The following VGLL4 variants were observed in gnomAD, a reference collection of about 807,000 sequenced individuals.
VGLL4 encodes the protein vestigial like family member 4.
VGLL4 carries 7 observed loss-of-function variants against 21.0 expected under a neutral mutation model. The observed-to-expected ratio is 0.33, with a 90% CI of 0.19 to 0.63. The LOEUF (loss-of-function observed/expected upper bound fraction) is 0.63. Ranked by LOEUF, VGLL4 falls within the 20% of genes least tolerant of loss-of-function variation. The pLI, the probability that VGLL4 is intolerant of heterozygous loss-of-function variation, is 0.78. For missense variants in VGLL4, 394 were observed against 425.7 expected (o/e 0.93, Z 0.66); for synonymous variants, 222 against 173.2 (o/e 1.28, Z -2.21).
chr3:11,593,856 C>A (rs1241544230), intron 2 of VGLL4, among the ~76,000 whole-genome samples: 1 of 152,200 alleles, frequency 6.6e-6, no homozygotes, highest in Non-Finnish European at 1.5e-5. Context: ...TTTCACTGGG[C>A]CCTTCCTCGT....
intron 2 of VGLL4, chr3:11,702,746 A>T: frequency 4.7e-6 from 1 of 212,262 alleles, no homozygotes; most frequent in Non-Finnish European, 9.2e-6. Flanking sequence ...AAAAAAAAAC[A>T]AAAAAAAAAA....
intron 1 of VGLL4, among the ~76,000 whole-genome samples, chr3:11,608,158 G>C (rs993992391): frequency 2.0e-5 from 3 of 152,198 alleles, no homozygotes; most frequent in Admixed American, 6.5e-5. Context: ...AGAATAAACA[G>C]AAGGAAGATT....
At chr3:11,559,291 C>G in intron 4 of VGLL4, 41 bp downstream of exon 4, 1 of 1,495,474 alleles carries the variant, frequency 6.7e-7, no homozygotes, top group Non-Finnish European at 8.9e-7. Context: ...TCTGCTGCCA[C>G]TAGCACAGCT....
chr3:11,591,521 C>T (rs1015348454), intron 2 of VGLL4, among the ~76,000 whole-genome samples: 1 of 152,208 alleles, frequency 6.6e-6, no homozygotes, highest in East Asian at 1.9e-4. Flanking sequence ...AAGGCAGAAG[C>T]GAGGCCTGCT....
chr3:11,568,829 G>T lies in VGLL4; in HGVS notation c.273-3810C>A. The T allele has an allele frequency of 7.1e-7, 1 of 1,414,728 alleles. No homozygotes were observed. Among genetic ancestry groups the T allele is most frequent in the Non-Finnish European group, 9.2e-7 (1 of 1,087,364 alleles). 87.6% of individuals were successfully genotyped at this position (1,414,728 alleles called of 1,614,324 possible). ...ACGGCATCCCCGCGAACACCCAAAG[G>T]ACTCTGAGTGGCTCCGTGCCAGGCC... is the stretch of plus-strand genomic sequence containing the variant. On this transcript the variant is annotated intron_variant, in intron 2 of 4. Coordinates refer to ENST00000430365, the MANE Select transcript of VGLL4 (RefSeq NM_001128219.3). The surrounding 1 kb of genome is among the most constrained non-coding windows in gnomAD (Gnocchi z 5.9).
At chr3:11,712,603 G>A (rs1005118951) in intron 1 of VGLL4, among the ~76,000 whole-genome samples, 1 of 151,960 alleles carries the variant, frequency 6.6e-6, no homozygotes, top group African/African-American at 2.4e-5. Flanking sequence ...ACCAAGAATG[G>A]AAGTGACTTC....
At position 11,634,337 on chromosome 3, in the gene VGLL4, G is replaced by T. The variant is rs150065584; in HGVS notation, c.82+9100C>A. On this transcript the variant is annotated intron_variant, in intron 1 of 4. Transcript: ENST00000430365. ...GTCTCCTACGTCCTCTCCCTCATCC[G>T]CTGTTCAATCCATCACCAATCCCTG... Among the ~76,000 whole-genome samples, 316 of 152,076 alleles carry T rather than the reference G, an allele frequency of 2.1e-3. 1 individual carries two copies. The highest frequency in any genetic ancestry group is 3.6e-3 in the Non-Finnish European group (242 of 67,972).
chr3:11,673,634 G>A (rs2076247247), intron 2 of VGLL4, among the ~76,000 whole-genome samples: 1 of 152,100 alleles, frequency 6.6e-6, no homozygotes, highest in East Asian at 1.9e-4. Context: ...CCCAAGTCAT[G>A]GCATTTGAAA....
chr3:11,607,463 T>C (rs1163723671), intron 1 of VGLL4: 2 of 152,038 alleles, frequency 1.3e-5, no homozygotes, highest in African/African-American at 4.8e-5. Flanking sequence ...GGGTGGCAGG[T>C]TTCTTTGGGG....
intron 2 of VGLL4, among the ~76,000 whole-genome samples, chr3:11,675,117 G>A (rs899842058): frequency 6.6e-6 from 1 of 152,194 alleles, no homozygotes; most frequent in East Asian, 1.9e-4. Context: ...CGAGGTGGGT[G>A]GATCACCTGA....
At chr3:11,591,531 T>C (rs2074496064) in intron 2 of VGLL4, among the ~76,000 whole-genome samples, 1 of 152,226 alleles carries the variant, frequency 6.6e-6, no homozygotes, top group South Asian at 2.1e-4. Context: ...CGAGGCCTGC[T>C]GGGAGAAGGC....
At chr3:11,610,089 G>A (rs2075028462) in intron 1 of VGLL4, among the ~76,000 whole-genome samples, 2 of 152,174 alleles carry the variant, frequency 1.3e-5, no homozygotes, top group Admixed American at 6.5e-5. Flanking sequence ...CTGCACTGAT[G>A]TGTCTCCTTC....
intron 2 of VGLL4, among the ~76,000 whole-genome samples, chr3:11,596,375 A>G (rs1227607196): frequency 1.3e-5 from 2 of 152,264 alleles, no homozygotes; most frequent in Non-Finnish European, 2.9e-5. Context: ...GAAAAACCAT[A>G]AACAAATCCT....
intron 2 of VGLL4, among the ~76,000 whole-genome samples, chr3:11,583,131 C>T (rs1042197898): frequency 6.6e-6 from 1 of 152,152 alleles, no homozygotes; most frequent in Non-Finnish European, 1.5e-5. Context: ...TCTTTTACAC[C>T]CAGGTCAGTT....
intron 1 of VGLL4, among the ~76,000 whole-genome samples, chr3:11,624,539 T>G (rs993129884): frequency 2.6e-4 from 39 of 152,182 alleles, no homozygotes; most frequent in Admixed American, 2.2e-3. Flanking sequence ...TTTTTTTTAA[T>G]GTTTGCCTCT....
rs961135080 is a variant in VGLL4 at position 11,643,888 on chromosome 3, A to G, written c.-370T>C. On this transcript the variant is annotated 5_prime_UTR_variant, in exon 1 of 5. Transcript: ENST00000430365. Reference sequence around the variant, plus strand: ...GCCGGCCCCTCTCACAGCCCGCTGCAAGCCGGCAGCGCTGACATGAGGGCT... The same window carrying G: ...GCCGGCCCCTCTCACAGCCCGCTGCGAGCCGGCAGCGCTGACATGAGGGCT... 2.3e-5 allele frequency: 24 copies of G among 1,026,128 alleles called. No homozygotes were observed. The highest frequency in any genetic ancestry group is 2.7e-5 in the Non-Finnish European group (23 of 855,278). The allele number at this position is 1,026,128 out of a possible 1,614,324, so 63.6% of individuals were successfully genotyped here.
chr3:11,677,902 C>T (rs1475747490), intron 2 of VGLL4, among the ~76,000 whole-genome samples: 2 of 90,734 alleles, frequency 2.2e-5, no homozygotes, highest in South Asian at 4.6e-4. Context: ...AGCAAGACTT[C>T]GTCTTTCAAA....
At chr3:11,602,424 A>C (rs2074828587) in intron 1 of VGLL4, among the ~76,000 whole-genome samples, 3 of 152,030 alleles carry the variant, frequency 2.0e-5, no homozygotes, top group Admixed American at 1.3e-4. Context: ...CACTATGCCC[A>C]ACTCACTTTT....
chr3:11,565,012 T>C lies in VGLL4; in HGVS notation c.280A>G (p.Thr94Ala), dbSNP rs755170828. Residue 94 changes from threonine (T) to alanine (A), a missense_variant, in exon 3 of 5, where the codon ACT (threonine) becomes GCT (alanine). Coordinates refer to ENST00000430365, the MANE Select transcript of VGLL4 (RefSeq NM_001128219.3). The surrounding 1 kb of genome is among the most constrained non-coding windows in gnomAD (Gnocchi z 4.1). ...TCTCTGCGGCAGTCTCCATTGGCAG[T>C]CTTGTTCCTGAAAAAGAGGAATGGG... ...SRIFNPHLNK[T>A]ANGDCRRDPR... The C allele has an allele frequency of 6.7e-7, 1 of 1,483,182 alleles. No homozygotes were observed. Among genetic ancestry groups the C allele is most frequent in the Non-Finnish European group, 8.9e-7 (1 of 1,118,472 alleles). The allele number at this position is 1,483,182 out of a possible 1,614,324, so 91.9% of individuals were successfully genotyped here. A position where few individuals can be genotyped will look rare whatever the true frequency, so the allele number is the denominator to read the frequency against.
Sources: allele counts gnomAD v4.1 joint callset (sites outside exome capture counted in the v4.1 genomes callset), GRCh38; gene constraint gnomAD v4.1.1; non-coding constraint Gnocchi (gnomAD v3.1); transcripts MANE v1.5; gene names NCBI Gene and HGNC (gene_info 2026-07-23, HGNC 2026-07-21).